Variants in LINGO2 observed in about 807,000 individuals in gnomAD.
LINGO2 encodes the protein leucine-rich repeat and immunoglobulin-like domain-containing nogo receptor-interacting protein 2.
A neutral mutation model predicts 30.6 loss-of-function variants in LINGO2; 14 were observed. That is an observed-to-expected ratio of 0.46 (90% CI 0.30 to 0.72). The LOEUF is 0.72. LINGO2 is among the 30% of genes least tolerant of loss of function. The probability of loss-of-function intolerance (pLI) is 0.07; values close to 1 mark genes in which losing one functional copy is unlikely to be tolerated. For missense variants in LINGO2, 729 were observed against 751.7 expected (o/e 0.97, Z 0.35); for synonymous variants, 317 against 288.5 (o/e 1.10, Z -1.00).
the LINGO2 span, among the ~76,000 whole-genome samples, chr9:29,040,458 G>GTA: frequency 2.0e-5 from 3 of 151,428 alleles, no homozygotes; most frequent in African/African-American, 7.3e-5. Flanking sequence ...CAGCATAATA[G>GTA]TATACTATTT....
At chr9:27,962,547 C>G (rs1167297780) in intron 5 of LINGO2, among the ~76,000 whole-genome samples, 1 of 152,110 alleles carries the variant, frequency 6.6e-6, no homozygotes, top group African/African-American at 2.4e-5. Context: ...GAACTGCTCC[C>G]CCCCTTCTAC....
At chr9:28,667,648 G>A (rs1334835148) in intron 1 of LINGO2, among the ~76,000 whole-genome samples, 1 of 152,080 alleles carries the variant, frequency 6.6e-6, no homozygotes, top group Non-Finnish European at 1.5e-5. Context: ...GGGGACTGAG[G>A]CATGAGAATT....
At chr9:28,357,323 C>T (rs1034382044) in intron 3 of LINGO2, among the ~76,000 whole-genome samples, 7 of 145,124 alleles carry the variant, frequency 4.8e-5, no homozygotes, top group Non-Finnish European at 7.6e-5. Context: ...AAGCCCACCC[C>T]CCCCAAAAAA....
At chr9:28,385,970 G>A (rs1821563217) in intron 2 of LINGO2, among the ~76,000 whole-genome samples, 1 of 152,108 alleles carries the variant, frequency 6.6e-6, no homozygotes, top group Non-Finnish European at 1.5e-5. Flanking sequence ...TGGGCCTTCT[G>A]GGAACTCAGA....
the LINGO2 span, among the ~76,000 whole-genome samples, chr9:29,104,342 T>A: frequency 6.6e-6 from 1 of 152,042 alleles, no homozygotes; most frequent in Non-Finnish European, 1.5e-5. Flanking sequence ...TTTAAAAGTG[T>A]GTAGCACTTC....
chr9:28,984,836 C>A, the LINGO2 span, among the ~76,000 whole-genome samples: 1 of 151,982 alleles, frequency 6.6e-6, no homozygotes, highest in East Asian at 1.9e-4. Flanking sequence ...ATTTACATAC[C>A]CATCACTTCA....
At chr9:28,929,780 C>G in the LINGO2 span, among the ~76,000 whole-genome samples, 6 of 152,038 alleles carry the variant, frequency 3.9e-5, no homozygotes, top group Non-Finnish European at 7.4e-5. Flanking sequence ...AATATAAATA[C>G]AAAATACAAA....
chr9:28,182,479 T>G (rs1819383702), intron 4 of LINGO2, among the ~76,000 whole-genome samples: 1 of 152,080 alleles, frequency 6.6e-6, no homozygotes, highest in Admixed American at 6.5e-5. Flanking sequence ...CTAATTAAAC[T>G]AAAGAGCTTC....
intron 5 of LINGO2, among the ~76,000 whole-genome samples, chr9:27,984,785 G>T (rs1430313650): frequency 6.6e-6 from 1 of 151,744 alleles, no homozygotes; most frequent in Non-Finnish European, 1.5e-5. Context: ...TTCATCATCT[G>T]TTTCTAAAAA....
At chr9:28,479,321 A>G (rs1412011936) in intron 1 of LINGO2, among the ~76,000 whole-genome samples, 2 of 151,980 alleles carry the variant, frequency 1.3e-5, no homozygotes, top group African/African-American at 4.8e-5. Context: ...TATCTCTGCT[A>G]GAAGATATTT....
the LINGO2 span, among the ~76,000 whole-genome samples, chr9:28,860,518 C>T: frequency 6.6e-6 from 1 of 151,892 alleles, no homozygotes; most frequent in South Asian, 2.1e-4. Context: ...ACTTGCCATG[C>T]TTCCACAATT....
At chr9:29,047,051 A>AAAAAAAAAAAAAACAAC in the LINGO2 span, among the ~76,000 whole-genome samples, 1 of 106,980 alleles carries the variant, frequency 9.3e-6, no homozygotes, top group South Asian at 3.2e-4. Context: ...AAAAAAAAAA[A>AAAAAAAAAAAAAACAAC]CCAAAAACAA....
At chr9:29,064,405 C>T in the LINGO2 span, among the ~76,000 whole-genome samples, 1 of 151,924 alleles carries the variant, frequency 6.6e-6, no homozygotes, top group Admixed American at 6.6e-5. Flanking sequence ...AAAATAATTA[C>T]TCTTATATGA....
At chr9:29,209,851 G>T in the LINGO2 span, among the ~76,000 whole-genome samples, 1 of 152,034 alleles carries the variant, frequency 6.6e-6, no homozygotes, top group Non-Finnish European at 1.5e-5. Context: ...TTGAGAAAAT[G>T]GATTTTTTTT....
chr9:28,479,911 G>GTATATATA (rs58972403), intron 1 of LINGO2, among the ~76,000 whole-genome samples: 26 of 49,766 alleles, frequency 5.2e-4, no homozygotes, highest in Non-Finnish European at 8.6e-4. Flanking sequence ...ATATACGTAG[G>GTATATATA]TATATATATA....
the LINGO2 span, among the ~76,000 whole-genome samples, chr9:28,771,452 GGTGTGTGTGTGTGT>G: frequency 0.019 from 2,246 of 120,286 alleles, 50 homozygotes; most frequent in African/African-American, 0.044. Flanking sequence ...TTTCCTATTT[GGTGTGTGTGTGTGT>G]GTGTGTGTGT....
chr9:28,615,848 T>C (rs1374498333), intron 1 of LINGO2, among the ~76,000 whole-genome samples: 1 of 152,082 alleles, frequency 6.6e-6, no homozygotes, highest in African/African-American at 2.4e-5. Context: ...TAGAAATCTA[T>C]TATGTCATTA....
chr9:29,155,902 CA>C, the LINGO2 span, among the ~76,000 whole-genome samples: 5 of 151,668 alleles, frequency 3.3e-5, no homozygotes, highest in African/African-American at 1.2e-4. Context: ...AAAATGAAAA[CA>C]AACAAAAAAA....
At chr9:28,134,798 C>A (rs1330871707) in intron 4 of LINGO2, among the ~76,000 whole-genome samples, 1 of 152,184 alleles carries the variant, frequency 6.6e-6, no homozygotes, top group Non-Finnish European at 1.5e-5. Context: ...TTGCCTTGGA[C>A]AACAGAGCCG....
Sources: gnomAD v4.1 joint callset for allele counts (sites outside exome capture counted in the v4.1 genomes callset) on GRCh38, gnomAD v4.1.1 for gene constraint, MANE v1.5 for transcripts, NCBI Gene and HGNC (gene_info 2026-07-23, HGNC 2026-07-21) for gene names.